SAMD5: variants seen among roughly 807,000 people sequenced by gnomAD.
SAMD5 encodes the protein sterile alpha motif domain containing 5, also known as sterile alpha motif domain-containing protein 5.
In SAMD5, 13 loss-of-function variants were observed where a neutral mutation model predicts 11.3. The ratio of observed to expected loss-of-function variants is 1.15; its 90% CI spans 0.75 to 1.83. The LOEUF (loss-of-function observed/expected upper bound fraction) is 1.83. Among genes scored for constraint, SAMD5 ranks in the 40% most tolerant of loss-of-function variants. The pLI is 0.00. For missense variants in SAMD5, 255 were observed against 239.1 expected (o/e 1.07, Z -0.44); for synonymous variants, 129 against 111.3 (o/e 1.16, Z -1.00).
intron 1 of SAMD5, among the ~76,000 whole-genome samples, chr6:147,662,453 A>G (rs1790661404): frequency 6.6e-6 from 1 of 152,256 alleles, no homozygotes; most frequent in Non-Finnish European, 1.5e-5. Context: ...ATGAAGAAAA[A>G]TGGCTGATTT....
chr6:147,681,737 G>A (rs1790943253), intron 1 of SAMD5, among the ~76,000 whole-genome samples: 1 of 152,120 alleles, frequency 6.6e-6, no homozygotes, highest in Non-Finnish European at 1.5e-5. Context: ...TTGTTTCTAA[G>A]ATTTGTTAGC....
the SAMD5 span, among the ~76,000 whole-genome samples, chr6:147,845,713 A>C: frequency 6.6e-6 from 1 of 152,212 alleles, no homozygotes; most frequent in Non-Finnish European, 1.5e-5. Flanking sequence ...ATGCCAAAAA[A>C]AAATAATGAT....
At chr6:147,530,302 T>C (rs1788408894) in intron 1 of SAMD5, among the ~76,000 whole-genome samples, 1 of 152,264 alleles carries the variant, frequency 6.6e-6, no homozygotes, top group South Asian at 2.1e-4. Flanking sequence ...TACGGTAACT[T>C]ACCACCTTGT....
At chr6:147,695,873 A>G (rs1791168043) in intron 1 of SAMD5, among the ~76,000 whole-genome samples, 1 of 152,154 alleles carries the variant, frequency 6.6e-6, no homozygotes, top group African/African-American at 2.4e-5. Context: ...AGCAATCCAA[A>G]AGTATTAGCA....
intron 1 of SAMD5, among the ~76,000 whole-genome samples, chr6:147,717,513 A>G (rs1328824800): frequency 6.6e-6 from 1 of 152,086 alleles, no homozygotes; most frequent in Non-Finnish European, 1.5e-5. Context: ...TTTTCCAGAT[A>G]TTTTTGCTCA....
the SAMD5 span, among the ~76,000 whole-genome samples, chr6:147,841,768 C>A: frequency 6.6e-6 from 1 of 152,026 alleles, no homozygotes; most frequent in African/African-American, 2.4e-5. Context: ...AGGGTGAGAG[C>A]TGGGGAGGGA....
At chr6:147,559,089 C>T (rs1788906157) in intron 1 of SAMD5, among the ~76,000 whole-genome samples, 1 of 152,178 alleles carries the variant, frequency 6.6e-6, no homozygotes, top group South Asian at 2.1e-4. Context: ...CAGTTAAATT[C>T]CCGGTCATTT....
At chr6:147,681,327 C>T (rs1350183518) in intron 1 of SAMD5, among the ~76,000 whole-genome samples, 3 of 152,188 alleles carry the variant, frequency 2.0e-5, no homozygotes, top group African/African-American at 7.2e-5. Context: ...CTGTTAGTTG[C>T]ATCCAGTATG....
downstream of SAMD5, among the ~76,000 whole-genome samples, chr6:147,739,938 G>A (rs1167847320): frequency 6.6e-6 from 1 of 151,936 alleles, no homozygotes; most frequent in East Asian, 1.9e-4. Context: ...TCCTGTCTCA[G>A]CCCCCCAAAT....
chr6:147,561,834 A>G (rs1788955424), intron 1 of SAMD5, among the ~76,000 whole-genome samples: 1 of 152,200 alleles, frequency 6.6e-6, no homozygotes, highest in South Asian at 2.1e-4. Flanking sequence ...ATCAGCCAGA[A>G]AAGAATGACG....
chr6:147,682,826 G>A (rs539587792), intron 1 of SAMD5, among the ~76,000 whole-genome samples: 2 of 151,952 alleles, frequency 1.3e-5, no homozygotes, highest in African/African-American at 4.8e-5. Flanking sequence ...TGATGTCTTT[G>A]TTTCTTATAT....
chr6:147,548,208 G>A (rs1274533654), intron 1 of SAMD5, among the ~76,000 whole-genome samples: 1 of 152,160 alleles, frequency 6.6e-6, no homozygotes, highest in African/African-American at 2.4e-5. Flanking sequence ...CTTAATAGAT[G>A]AACAGTATCC....
At chr6:147,724,110 G>A (rs1433997349) in intron 1 of SAMD5, among the ~76,000 whole-genome samples, 5 of 152,040 alleles carry the variant, frequency 3.3e-5, no homozygotes, top group African/African-American at 7.3e-5. Context: ...TCTAATGAGA[G>A]TAAAATTGTA....
chr6:147,607,882 C>A (rs931424877), intron 1 of SAMD5, among the ~76,000 whole-genome samples: 1 of 152,072 alleles, frequency 6.6e-6, no homozygotes, highest in Admixed American at 6.5e-5. Context: ...TGCAAACTAC[C>A]CATCTGACAA....
intron 1 of SAMD5, among the ~76,000 whole-genome samples, chr6:147,681,975 C>T (rs1165349854): frequency 6.6e-6 from 1 of 152,172 alleles, no homozygotes; most frequent in Non-Finnish European, 1.5e-5. Flanking sequence ...GGGTTAGTAA[C>T]ATACATGTAC....
chr6:147,757,020 G>A, the SAMD5 span, among the ~76,000 whole-genome samples: 10 of 151,954 alleles, frequency 6.6e-5, no homozygotes, highest in Non-Finnish European at 1.3e-4. Context: ...TTTTTGTTCC[G>A]ACATAAAGCA....
At chr6:147,881,568 A>G in the SAMD5 span, among the ~76,000 whole-genome samples, 1 of 152,190 alleles carries the variant, frequency 6.6e-6, no homozygotes, top group South Asian at 2.1e-4. Flanking sequence ...TTTTCAGAAC[A>G]AAGCACCAGC....
At chr6:147,719,795 A>AG (rs1375964619) in intron 1 of SAMD5, among the ~76,000 whole-genome samples, 1 of 152,228 alleles carries the variant, frequency 6.6e-6, no homozygotes, top group Non-Finnish European at 1.5e-5. Context: ...ATATTGTTTT[A>AG]GCTTGAAACT....
the SAMD5 span, among the ~76,000 whole-genome samples, chr6:147,935,913 G>C: frequency 6.6e-6 from 1 of 152,218 alleles, no homozygotes; most frequent in African/African-American, 2.4e-5. Flanking sequence ...TTTAGAGGGA[G>C]TGGAGAGAGA....
Sources: gnomAD v4.1 joint callset for allele counts (sites outside exome capture counted in the v4.1 genomes callset) on GRCh38, gnomAD v4.1.1 for gene constraint, MANE v1.5 for transcripts, NCBI Gene and HGNC (gene_info 2026-07-23, HGNC 2026-07-21) for gene names.